The following WWOX variants were observed in gnomAD, a reference collection of about 807,000 sequenced individuals.
WWOX encodes the protein WW domain containing oxidoreductase.
WWOX carries 69 observed loss-of-function variants against 46.2 expected under a neutral mutation model. The observed-to-expected ratio is 1.49, with a 90% CI of 1.23 to 1.82. WWOX has a LOEUF of 1.82. WWOX is among the 40% of genes most tolerant of loss of function. The pLI is 0.00. For missense variants in WWOX, 919 were observed against 542.6 expected, an observed-to-expected ratio of 1.69 and a Z score of -6.89; for synonymous variants, 359 against 202.6, an observed-to-expected ratio of 1.77 and a Z score of -6.56.
Position 78,476,279 on chromosome 16 carries a change from G to A in WWOX, c.1056+43527G>A, listed in dbSNP as rs554580602. On this transcript the variant is annotated intron_variant, in intron 8 of 8. Coordinates refer to ENST00000566780, the MANE Select transcript of WWOX (RefSeq NM_016373.4). The stretch of plus-strand genomic sequence containing the variant: ...TGGCTGCATAAATGTCTTCTTTTGA[G>A]AAGTGTCTGATCATATCCTTCGCCC... Among the ~76,000 whole-genome samples the A allele has an allele frequency of 3.9e-5, 6 of 152,306 alleles. No individual in the cohort carries two copies. The East Asian group carries it at 1.2e-3, about 29-fold the overall frequency.
intron 8 of WWOX, among the ~76,000 whole-genome samples, chr16:78,706,067 T>TTG (rs1156696393): frequency 3.3e-5 from 5 of 150,388 alleles, no homozygotes; most frequent in African/African-American, 1.2e-4. Context: ...GGTTTTTTTT[T>TTG]TTTTTTTTTT....
At chr16:78,774,542 A>C (rs2050143461) in intron 8 of WWOX, among the ~76,000 whole-genome samples, 1 of 149,854 alleles carries the variant, frequency 6.7e-6, no homozygotes, top group Admixed American at 6.6e-5. Flanking sequence ...GCGCGTGCGC[A>C]CACGCATGAG....
At chr16:78,301,971 T>A (rs1474776850) in intron 5 of WWOX, among the ~76,000 whole-genome samples, 2 of 151,896 alleles carry the variant, frequency 1.3e-5, no homozygotes, top group African/African-American at 4.8e-5. Context: ...TTTTTTTTTT[T>A]TCTTTTTGAG....
intron 8 of WWOX, among the ~76,000 whole-genome samples, chr16:78,824,130 T>A (rs1394155282): frequency 6.6e-6 from 1 of 152,178 alleles, no homozygotes; most frequent in African/African-American, 2.4e-5. Flanking sequence ...TGAAATAAAG[T>A]TTTTAAAAAT....
At chr16:78,393,042 G>T (rs889298261) in intron 6 of WWOX, among the ~76,000 whole-genome samples, 3 of 152,136 alleles carry the variant, frequency 2.0e-5, no homozygotes, top group Non-Finnish European at 4.4e-5. Flanking sequence ...ACCAAAGCCT[G>T]TGGTAAGTTC....
intron 8 of WWOX, among the ~76,000 whole-genome samples, chr16:78,720,040 A>G (rs2048654292): frequency 6.6e-6 from 1 of 152,192 alleles, no homozygotes; most frequent in Non-Finnish European, 1.5e-5. Context: ...CATTTTATGA[A>G]ATGACTGTTT....
At chr16:78,208,899 T>TTTTA (rs925835458) in intron 5 of WWOX, among the ~76,000 whole-genome samples, 1 of 152,306 alleles carries the variant, frequency 6.6e-6, no homozygotes, top group East Asian at 1.9e-4. Flanking sequence ...TCTTACAGCT[T>TTTTA]TTTATTTATT....
At position 78,937,004 on chromosome 16, in the gene WWOX, A is replaced by G. The variant is rs924947820; in HGVS notation, c.1057-274604A>G. ...CATTTGGATTTGGGAATACGGTCAT[A>G]TACTGTTTGGTACAATATGTACTAA... On this transcript the variant is annotated intron_variant, in intron 8 of 8. Transcript: ENST00000566780. Among the ~76,000 whole-genome samples the G allele has an allele frequency of 2.6e-5, 4 of 152,224 alleles. No homozygotes were observed. The East Asian group carries it at 5.8e-4, about 22-fold the overall frequency.
At chr16:78,206,818 G>T in intron 5 of WWOX, among the ~76,000 whole-genome samples, 1 of 152,090 alleles carries the variant, frequency 6.6e-6, no homozygotes, top group East Asian at 1.9e-4. Context: ...ATACGTCCAA[G>T]GTCACACAAC....
chr16:78,395,830 C>T (rs571803022), intron 6 of WWOX, among the ~76,000 whole-genome samples: 1 of 151,994 alleles, frequency 6.6e-6, no homozygotes, highest in East Asian at 1.9e-4. Flanking sequence ...AGCCATGGAC[C>T]CAAGGATGCT....
intron 8 of WWOX, among the ~76,000 whole-genome samples, chr16:79,149,849 G>T (rs1359380834): frequency 3.3e-5 from 5 of 152,294 alleles, no homozygotes; most frequent in Admixed American, 2.0e-4. Flanking sequence ...CCATCTTGCA[G>T]TATGGGTTTG....
At chr16:79,079,582 CCTT>C (rs2048723142) in intron 8 of WWOX, among the ~76,000 whole-genome samples, 1 of 152,168 alleles carries the variant, frequency 6.6e-6, no homozygotes, top group South Asian at 2.1e-4. Context: ...TTGCCTGTAA[CCTT>C]CTGAAACTTT....
At chr16:79,015,594 G>T (rs1047324623) in intron 8 of WWOX, among the ~76,000 whole-genome samples, 3 of 152,036 alleles carry the variant, frequency 2.0e-5, no homozygotes, top group Non-Finnish European at 2.9e-5. Flanking sequence ...CACTGGTTGG[G>T]TTCCATATTC....
chr16:78,728,371 C>G (rs975939172), intron 8 of WWOX, among the ~76,000 whole-genome samples: 3 of 152,064 alleles, frequency 2.0e-5, no homozygotes, highest in African/African-American at 7.2e-5. Context: ...CCACACCTGG[C>G]CATGGATAAC....
chr16:78,425,171 G>A, intron 7 of WWOX, 116 bp downstream of exon 7: 1 of 1,394,820 alleles, frequency 7.2e-7, no homozygotes, highest in Non-Finnish European at 1.0e-6. Context: ...CATGTGGGTG[G>A]ACTCAGCTTG....
rs545338912 is a variant in WWOX, at chr16:78,350,174, G to C, written c.517-36686G>C. ...TTTCTCAATCCACAATCTCATCAGAGTCCCAATAGTTGCCTGATATGTCTC... is the reference window on the plus strand; with the variant it reads ...TTTCTCAATCCACAATCTCATCAGACTCCCAATAGTTGCCTGATATGTCTC... On this transcript the variant is annotated intron_variant, in intron 5 of 8. Transcript: ENST00000566780. 4.1e-5 allele frequency among the ~76,000 whole-genome samples: 5 copies of C among 121,148 alleles called. 2 individuals are homozygous for C. The highest frequency in any genetic ancestry group is 4.0e-4 in the Admixed American group (5 of 12,458). The allele number at this position is 121,148 out of a possible 152,430, so 79.5% of individuals were successfully genotyped here.
intron 7 of WWOX, among the ~76,000 whole-genome samples, chr16:78,429,755 A>G (rs901985689): frequency 6.6e-6 from 1 of 152,232 alleles, no homozygotes; most frequent in Non-Finnish European, 1.5e-5. Flanking sequence ...AACATAACTT[A>G]CATGCACAAA....
rs146753548 is a variant in WWOX at position 78,675,841 on chromosome 16, T to A, written c.1056+243089T>A. On this transcript the variant is annotated intron_variant, in intron 8 of 8. Coordinates refer to ENST00000566780, the MANE Select transcript of WWOX (RefSeq NM_016373.4). ...AATTATTAAAAGAAAATATATATATTTTTTTAAATCATGACTTTTCTGATC... is the reference window on the plus strand; with the variant it reads ...AATTATTAAAAGAAAATATATATATATTTTTAAATCATGACTTTTCTGATC... Among the ~76,000 whole-genome samples, 1,030 of 152,084 alleles carry A rather than the reference T, an allele frequency of 6.8e-3. 3 individuals are homozygous for A. Among genetic ancestry groups the A allele is most frequent in the African/African-American group, 0.012 (489 of 41,522 alleles).
At chr16:79,126,485 A>T (rs118090263) in intron 8 of WWOX, among the ~76,000 whole-genome samples, 34 of 152,204 alleles carry the variant, frequency 2.2e-4, no homozygotes, top group Non-Finnish European at 4.6e-4. Context: ...AGTGTTTGGT[A>T]GTTCGTTCTG....
Sources: gnomAD v4.1 joint callset for allele counts (sites outside exome capture counted in the v4.1 genomes callset) on GRCh38, gnomAD v4.1.1 for gene constraint, MANE v1.5 for transcripts, NCBI Gene and HGNC (gene_info 2026-07-23, HGNC 2026-07-21) for gene names.